Variants in CERS6 observed in about 807,000 individuals in gnomAD.
CERS6 encodes ceramide synthase 6, also known as LAG1 homolog, ceramide synthase 6.
A neutral mutation model predicts 56.8 loss-of-function variants in CERS6; 26 were observed. The observed-to-expected ratio is 0.46, with a 90% CI of 0.34 to 0.63. CERS6 has a LOEUF of 0.63. Among genes scored for constraint, CERS6 ranks in the 30% least tolerant of loss-of-function variants. The probability of loss-of-function intolerance (pLI) is 0.01; values close to 1 mark genes in which losing one functional copy is unlikely to be tolerated. For synonymous variants in CERS6, 164 were observed against 173.3 expected, an observed-to-expected ratio of 0.95 and a Z score of 0.42; for missense variants, 415 against 467.5, an observed-to-expected ratio of 0.89 and a Z score of 1.04.
At chr2:168,631,479 A>AT (rs2105295994) in intron 4 of CERS6, among the ~76,000 whole-genome samples, 1 of 124,584 alleles carries the variant, frequency 8.0e-6, no homozygotes, top group African/African-American at 3.0e-5. Context: ...TATATAATAT[A>AT]TAATATATAA....
intron 3 of CERS6, among the ~76,000 whole-genome samples, chr2:168,593,657 T>C (rs953257250): frequency 7.9e-5 from 12 of 152,260 alleles, no homozygotes; most frequent in African/African-American, 2.9e-4. Flanking sequence ...TGAAGAATTT[T>C]TGACAGGTCA....
intron 2 of CERS6, among the ~76,000 whole-genome samples, chr2:168,559,616 C>T (rs1168201252): frequency 2.0e-5 from 3 of 151,046 alleles, no homozygotes; most frequent in Non-Finnish European, 4.4e-5. Context: ...TCAAAGGCTC[C>T]AGCTTCTAAT....
At chr2:168,559,924 G>C (rs1448542595) in intron 2 of CERS6, among the ~76,000 whole-genome samples, 1 of 151,312 alleles carries the variant, frequency 6.6e-6, no homozygotes, top group Non-Finnish European at 1.5e-5. Context: ...TAGTTTTGTT[G>C]GGTAGTAGAT....
rs370477008 is a variant in CERS6 at position 168,505,382 on chromosome 2, CAAAAAA to C, written c.171-42200_171-42195del. Among the ~76,000 whole-genome samples, 418 of 96,382 alleles carry C rather than the reference CAAAAAA, an allele frequency of 4.3e-3. 2 individuals are homozygous for C. The highest frequency in any genetic ancestry group is 0.014 in the African/African-American group (362 of 25,254). The allele number at this position is 96,382 out of a possible 152,430, so 63.2% of individuals were successfully genotyped here. A position where few individuals can be genotyped will look rare whatever the true frequency, so the allele number is the denominator to read the frequency against. ...GGGCAACAGAGTGAGACCCTGTTTC[CAAAAAA>C]AAAAAAAAAAAAAGAAAAAAAAAGA... is the stretch of plus-strand genomic sequence containing the variant. On this transcript the variant is annotated intron_variant, in intron 1 of 9. Transcript: ENST00000305747.
intron 4 of CERS6, among the ~76,000 whole-genome samples, chr2:168,636,364 T>G (rs1163013401): frequency 6.6e-6 from 1 of 152,142 alleles, no homozygotes; most frequent in Non-Finnish European, 1.5e-5. Flanking sequence ...TATTAGTAAA[T>G]TTACCTTACT....
At chr2:168,659,952 A>T (rs763771019) in intron 4 of CERS6, among the ~76,000 whole-genome samples, 10 of 152,224 alleles carry the variant, frequency 6.6e-5, no homozygotes, top group Non-Finnish European at 1.0e-4. Flanking sequence ...AAGAAAACAG[A>T]TTATTTTATA....
intron 4 of CERS6, among the ~76,000 whole-genome samples, chr2:168,680,245 G>A (rs1340460278): frequency 6.6e-6 from 1 of 152,178 alleles, no homozygotes; most frequent in Non-Finnish European, 1.5e-5. Flanking sequence ...GGGAAGAGTG[G>A]ACTTAGTCGT....
chr2:168,669,356 C>A (rs560464529), intron 4 of CERS6, among the ~76,000 whole-genome samples: 1 of 152,338 alleles, frequency 6.6e-6, no homozygotes. Flanking sequence ...GGACATTCCA[C>A]ACACCATTTT....
chr2:168,458,136 C>T (rs1017090836), intron 1 of CERS6, among the ~76,000 whole-genome samples: 2 of 152,140 alleles, frequency 1.3e-5, no homozygotes, highest in Non-Finnish European at 2.9e-5. Flanking sequence ...TCTCCAAAAA[C>T]AAGCAGACTC....
At chr2:168,479,011 A>G (rs1473417509) in intron 1 of CERS6, among the ~76,000 whole-genome samples, 2 of 152,030 alleles carry the variant, frequency 1.3e-5, no homozygotes, top group Non-Finnish European at 2.9e-5. Flanking sequence ...AGAAATGGGA[A>G]CTCCAGATTT....
intron 8 of CERS6, among the ~76,000 whole-genome samples, chr2:168,758,762 A>G (rs1157308929): frequency 3.3e-5 from 5 of 152,320 alleles, no homozygotes; most frequent in Non-Finnish European, 2.9e-5. Context: ...GAAATTGAGC[A>G]TTGGAGGTAG....
intron 3 of CERS6, among the ~76,000 whole-genome samples, chr2:168,561,882 T>G (rs1022404249): frequency 6.6e-6 from 1 of 152,200 alleles, no homozygotes; most frequent in Non-Finnish European, 1.5e-5. Context: ...TCAATAAGGC[T>G]GTTAAATATA....
At chr2:168,698,776 A>G (rs183942511) in intron 6 of CERS6, among the ~76,000 whole-genome samples, 50 of 152,308 alleles carry the variant, frequency 3.3e-4, no homozygotes, top group Non-Finnish European at 2.2e-4. Flanking sequence ...ACATCAGTGG[A>G]AAACACCTGT....
At chr2:168,732,116 T>C (rs1683556418) in intron 8 of CERS6, among the ~76,000 whole-genome samples, 1 of 152,218 alleles carries the variant, frequency 6.6e-6, no homozygotes, top group African/African-American at 2.4e-5. Context: ...TCTTCTTTCC[T>C]AGCCATATGA....
At chr2:168,742,022 C>T (rs1683924902) in intron 8 of CERS6, among the ~76,000 whole-genome samples, 1 of 152,212 alleles carries the variant, frequency 6.6e-6, no homozygotes, top group Non-Finnish European at 1.5e-5. Context: ...TGAGCTTTGA[C>T]GTGACTATTG....
intron 4 of CERS6, among the ~76,000 whole-genome samples, chr2:168,639,230 G>C (rs958243103): frequency 2.0e-5 from 3 of 152,170 alleles, no homozygotes; most frequent in South Asian, 4.1e-4. Flanking sequence ...TTTGGCCGGA[G>C]GCAGTGCCTG....
chr2:168,497,679 TGG>T (rs1477267735), intron 1 of CERS6, among the ~76,000 whole-genome samples: 1 of 152,170 alleles, frequency 6.6e-6, no homozygotes, highest in Non-Finnish European at 1.5e-5. Context: ...CAGGCAAAGT[TGG>T]TGACATGGTG....
chr2:168,749,907 GC>G (rs1419231507), intron 8 of CERS6, among the ~76,000 whole-genome samples: 1 of 152,344 alleles, frequency 6.6e-6, no homozygotes, highest in Non-Finnish European at 1.5e-5. Flanking sequence ...GCAGAGAGTA[GC>G]AGCTCAGGGC....
At chr2:168,743,184 G>A (rs1438689755) in intron 8 of CERS6, among the ~76,000 whole-genome samples, 4 of 148,274 alleles carry the variant, frequency 2.7e-5, no homozygotes, top group Non-Finnish European at 4.5e-5. Context: ...GTGTGTGTAT[G>A]TGTGTGTGTA....
Sources: allele counts gnomAD v4.1 joint callset (sites outside exome capture counted in the v4.1 genomes callset), GRCh38; gene constraint gnomAD v4.1.1; transcripts MANE v1.5; gene names NCBI Gene and HGNC (gene_info 2026-07-23, HGNC 2026-07-21).